RPS2: variants seen among roughly 807,000 people sequenced by gnomAD.
The protein encoded by RPS2 is small ribosomal subunit protein uS5.
In RPS2, 8 loss-of-function variants were observed where a neutral mutation model predicts 25.3. That is an observed-to-expected ratio of 0.32 (90% confidence interval 0.19 to 0.57). The LOEUF is 0.57. RPS2 is among the 20% of genes least tolerant of loss of function. The pLI is 0.90. For missense variants in RPS2, 229 were observed against 408.1 expected (o/e 0.56, Z 3.78); for synonymous variants, 181 against 161.3 (o/e 1.12, Z -0.92).
intron 1 of RPS2, 56 bp from the exon 2 acceptor site, chr16:1,964,684 C>T (rs1597039865): frequency 2.1e-6 from 2 of 962,926 alleles, no homozygotes; most frequent in East Asian, 2.7e-5. Flanking sequence ...CTGGCAGCCC[C>T]CCGCGAGACC....
At position 1,964,614 on chromosome 16, in the gene RPS2, G is replaced by A. The variant is rs368683408; in HGVS notation, c.12C>T (p.Asp4=). The A allele has an allele frequency of 2.6e-5, 39 of 1,495,182 alleles. No homozygotes were observed. The African/African-American group carries it at 5.1e-4, about 19-fold the overall frequency. 92.6% of individuals were successfully genotyped at this position (1,495,182 alleles called of 1,614,324 possible). The change falls in exon 2 of 7, where the codon GAC becomes GAT. Residue 4 remains aspartate (D), a synonymous_variant. Transcript: ENST00000343262. Reference sequence around the variant, plus strand: ...CCCCGGGCCCCCCCGCTGCACCGGCGTCATCCGCCATTTGCTGGGAAAAGC... The same window carrying A: ...CCCCGGGCCCCCCCGCTGCACCGGCATCATCCGCCATTTGCTGGGAAAAGC... The part of the protein sequence containing the change: MAD[D]AGAAGGPGGP...
In RPS2 at chr16:1,964,382, C is replaced by G; in HGVS notation, c.178-17G>C. 1 of 1,613,352 alleles carries G rather than the reference C, an allele frequency of 6.2e-7. No individual in the cohort carries two copies. The highest frequency in any genetic ancestry group is 8.5e-7 in the Non-Finnish European group (1 of 1,179,968). ...GGGCATCCACTAAAGGGAGAAAAGG[C>G]GCCAGTGACCAGGACCGCTCTCCGG... is the stretch of plus-strand genomic sequence containing the variant. On this transcript the variant is annotated splice_polypyrimidine_tract_variant and intron_variant, in intron 2 of 6. Coordinates refer to ENST00000343262, the MANE Select transcript of RPS2 (RefSeq NM_002952.4).
chr16:1,963,300 C>A, intron 3 of RPS2, 44 bp from the exon 4 acceptor site: 3 of 1,272,778 alleles, frequency 2.4e-6, no homozygotes, highest in South Asian at 1.3e-5. Context: ...TAAAAAAAAA[C>A]TTAATACCAT....
chr16:1,964,432 G>C lies in RPS2; in HGVS notation c.177+17C>G, dbSNP rs369579913. On this transcript the variant is annotated intron_variant, in intron 2 of 6. Coordinates refer to ENST00000343262, the MANE Select transcript of RPS2 (RefSeq NM_002952.4). ...GCGCCGCCCAGGGGCCCGACCCCGA[G>C]CGTGGCTGATACCTACCTCCTTATC... The C allele has an allele frequency of 1.2e-6, 2 of 1,612,460 alleles. No individual in the cohort carries two copies. The highest frequency in any genetic ancestry group is 1.7e-6 in the Non-Finnish European group (2 of 1,179,858).
At position 1,964,628 on chromosome 16, in the gene RPS2, G is replaced by A. The variant is rs769686276; in HGVS notation, c.-3C>T. The A allele has an allele frequency of 1.4e-6, 2 of 1,452,168 alleles. No individual in the cohort carries two copies. The highest frequency in any genetic ancestry group is 1.3e-5 in the South Asian group (1 of 75,224). The allele number at this position is 1,452,168 out of a possible 1,614,324, so 90.0% of individuals were successfully genotyped here. ...GCTGCACCGGCGTCATCCGCCATTT[G>A]CTGGGAAAAGCGACAAGAAGGAACT... On this transcript the variant is annotated splice_region_variant and 5_prime_UTR_variant, in exon 2 of 7. Transcript: ENST00000343262.
chr16:1,963,722 G>A (rs1346009033), intron 3 of RPS2: 1 of 439,402 alleles, frequency 2.3e-6, no homozygotes, highest in Non-Finnish European at 4.6e-6. Flanking sequence ...CCCTATTTCT[G>A]CATCTCAATC....
At chr16:1,963,119 A>C in intron 4 of RPS2, 30 bp downstream of exon 4, 1 of 1,553,736 alleles carries the variant, frequency 6.4e-7, no homozygotes, top group African/African-American at 1.4e-5. Context: ...CGGCAAGCCC[A>C]GCGCAGCCCC....
In RPS2 at chr16:1,962,129, C is replaced by T. The variant is rs367578393; in HGVS notation, c.851G>A (p.Arg284Gln). ...TGTAGCCACAGCTGGAGCCTGAGTC[C>T]GCTGCACGGAGACTCTGGTGTGGGT... ...VKTHTRVSVQ[R>Q]TQAPAVATT The change falls in exon 7 of 7, where the codon CGG (arginine) becomes CAG (glutamine). Residue 284 changes from arginine to glutamine, a missense_variant. Around this residue, in one of 7 missense-constraint regions of RPS2, gnomAD observed 32 missense variants for 29.4 expected, o/e 1.09. Coordinates refer to ENST00000343262, the MANE Select transcript of RPS2 (RefSeq NM_002952.4). 13 of 1,574,620 alleles carry T rather than the reference C, an allele frequency of 8.3e-6. No homozygotes were observed. Among genetic ancestry groups the T allele is most frequent in the South Asian group, 1.1e-5 (1 of 87,392 alleles).
rs1481335940 is a variant in RPS2 at position 1,964,321 on chromosome 16, C to T, written c.222G>A (p.Lys74=). 4 of 1,613,556 alleles carry T rather than the reference C, an allele frequency of 2.5e-6. No homozygotes were observed. The highest frequency in any genetic ancestry group is 3.4e-6 in the Non-Finnish European group (4 of 1,179,902). Reference sequence around the variant, plus strand: ...GATAGATCTCCTCCAGGGACTTGATCTTCATGTCCTTGACCAAGCGGCCCA... The same window carrying T: ...GATAGATCTCCTCCAGGGACTTGATTTTCATGTCCTTGACCAAGCGGCCCA... ...TKLGRLVKDM[K]IKSLEEIYLF... The change falls in exon 3 of 7, where the codon AAG becomes AAA. Residue 74 remains lysine (K), a synonymous_variant. Transcript: ENST00000343262.
At chr16:1,964,191 G>C in intron 3 of RPS2, 85 bp downstream of exon 3, 1 of 1,006,160 alleles carries the variant, frequency 9.9e-7, no homozygotes. Context: ...TTTAATGCGA[G>C]TCAATGGCAG....
At chr16:1,964,725 C>T in intron 1 of RPS2, 82 bp downstream of exon 1, 3 of 691,592 alleles carry the variant, frequency 4.3e-6, no homozygotes, top group Non-Finnish European at 6.9e-6. Context: ...GGAGCGCGGA[C>T]TCGGGAGCCT....
chr16:1,963,924 C>A (rs1434205368), intron 3 of RPS2: 1 of 398,070 alleles, frequency 2.5e-6, no homozygotes, highest in Non-Finnish European at 4.9e-6. Flanking sequence ...GTCCCGTACA[C>A]GCGGACTATG....
chr16:1,963,691 G>A (rs1202884575), intron 3 of RPS2: 2 of 396,808 alleles, frequency 5.0e-6, no homozygotes, highest in African/African-American at 2.1e-5. Context: ...TTTCGTTTTT[G>A]GAAGCTTGTA....
Position 1,963,145 on chromosome 16 carries a change from G to A in RPS2, c.375+4C>T, listed in dbSNP as rs900994582. 11 of 1,606,576 alleles carry A rather than the reference G, an allele frequency of 6.8e-6. No homozygotes were observed. The African/African-American group carries it at 1.1e-4, about 16-fold the overall frequency. ...GCGCAGCCCCCTCCAGGACAGCCGG[G>A]TACCTTGAACCTGGTGCGCTGGCCG... On this transcript the variant is annotated splice_donor_region_variant and intron_variant, in intron 4 of 6. Coordinates refer to ENST00000343262, the MANE Select transcript of RPS2 (RefSeq NM_002952.4).
intron 6 of RPS2, 26 bp from the exon 7 acceptor site, chr16:1,962,296 G>A (rs1272453176): frequency 4.4e-6 from 7 of 1,606,422 alleles, no homozygotes; most frequent in Admixed American, 3.3e-5. Context: ...ACCCCAGGAG[G>A]GTCAGTGGTG....
At chr16:1,964,226 A>C (rs748302299) in intron 3 of RPS2, 50 bp downstream of exon 3, 15 of 1,391,716 alleles carry the variant, frequency 1.1e-5, no homozygotes, top group Admixed American at 1.7e-5. Context: ...ACCCCAGCCC[A>C]AATGACTCCG....
rs369284811 is a variant in RPS2, at chr16:1,964,266, C to T, written c.267+10G>A. On this transcript the variant is annotated intron_variant, in intron 3 of 6. Transcript: ENST00000343262. ...CGCACTTGCTCAACGCCCCAACGAC[C>T]GACGCGTACCTTAATAGGCAGGGAG... The T allele has an allele frequency of 6.2e-5, 99 of 1,607,006 alleles. No homozygotes were observed. The highest frequency in any genetic ancestry group is 7.4e-5 in the Non-Finnish European group (87 of 1,174,468).
intron 3 of RPS2, 22 bp from the exon 4 acceptor site, chr16:1,963,278 T>A (rs776134861): frequency 5.5e-5 from 78 of 1,426,250 alleles, no homozygotes; most frequent in Non-Finnish European, 7.2e-5. Flanking sequence ...AAGAAAATTG[T>A]AGGGAGAGCA....
chr16:1,963,383 T>G (rs1244796037), intron 3 of RPS2, 127 bp from the exon 4 acceptor site: 22 of 621,040 alleles, frequency 3.5e-5, no homozygotes, highest in Middle Eastern at 4.5e-4. Context: ...TTTGGGAGAC[T>G]GAGGTGGGCG....
Sources: gnomAD v4.1 joint callset for allele counts on GRCh38, gnomAD v4.1.1 for gene constraint, gnomAD v4.1.1 regional missense constraint, MANE v1.5 for transcripts, NCBI Gene and HGNC (gene_info 2026-07-23, HGNC 2026-07-21) for gene names.